Variants in UBE4A observed in about 807,000 individuals in gnomAD.
UBE4A encodes the protein ubiquitination factor E4A, also known as ubiquitin conjugation factor E4 A.
A neutral mutation model predicts 117.9 loss-of-function variants in UBE4A; 48 were observed. That is an observed-to-expected ratio of 0.41 (90% CI 0.32 to 0.52). UBE4A has a LOEUF of 0.52. UBE4A is among the 20% of genes least tolerant of loss of function. The pLI is 0.33. For missense variants in UBE4A, 1,067 were observed against 1,296.3 expected (o/e 0.82, Z 2.72); for synonymous variants, 407 against 450.0 (o/e 0.90, Z 1.21).
intron 1 of UBE4A, among the ~76,000 whole-genome samples, chr11:118,363,606 C>CT (rs199847839): frequency 0.047 from 5,703 of 122,442 alleles, 173 homozygotes; most frequent in Non-Finnish European, 0.057. Flanking sequence ...ACCACATTAG[C>CT]TTTTTTTTTT....
intron 10 of UBE4A, among the ~76,000 whole-genome samples, chr11:118,378,272 G>A (rs78134506): frequency 0.069 from 7,439 of 107,900 alleles, 239 homozygotes; most frequent in African/African-American, 0.12. Context: ...TTAAAAAAAA[G>A]AAAAAGACCA....
At chr11:118,363,545 A>C (rs1381539940) in intron 1 of UBE4A, among the ~76,000 whole-genome samples, 2 of 152,172 alleles carry the variant, frequency 1.3e-5, no homozygotes, top group Non-Finnish European at 2.9e-5. Context: ...AGAATTGTCA[A>C]GAAATGTTAT....
rs903265983 is a variant in UBE4A at position 118,368,954 on chromosome 11, T to C, written c.295+150T>C. The C allele has an allele frequency of 3.3e-5, 26 of 791,502 alleles. No homozygotes were observed. The East Asian group carries it at 4.9e-4, about 15-fold the overall frequency. 49.0% of individuals were successfully genotyped at this position (791,502 alleles called of 1,614,324 possible). ...CAGGGTTTATATTTCAGTGAACCTT[T>C]TGGTATGACCTAAAAACAGTATTTA... On this transcript the variant is annotated intron_variant, in intron 3 of 19. Coordinates refer to ENST00000252108, the MANE Select transcript of UBE4A (RefSeq NM_001204077.2).
At position 118,375,079 on chromosome 11, in the gene UBE4A, T is replaced by C. The variant is rs1948639571; in HGVS notation, c.1300T>C (p.Phe434Leu). The change falls in exon 9 of 20, where the codon TTC (phenylalanine) becomes CTC (leucine). Residue 434 changes from phenylalanine (F) to leucine (L), a missense_variant. Coordinates refer to ENST00000252108, the MANE Select transcript of UBE4A (RefSeq NM_001204077.2). ...IFFQMYASDA[F>L]FLNLGAALLK... ...TTTCCAAATGTATGCCTCAGATGCTTTCTTTCTGAATCTGGGTGCTGCTCT... is the reference window on the plus strand; with the variant it reads ...TTTCCAAATGTATGCCTCAGATGCTCTCTTTCTGAATCTGGGTGCTGCTCT... 6.2e-7 allele frequency: 1 copy of C among 1,614,208 alleles called. No individual in the cohort carries two copies. The highest frequency in any genetic ancestry group is 1.3e-5 in the African/African-American group (1 of 75,056).
rs924480975 is a variant in UBE4A, at chr11:118,397,180, A to C, written c.*740A>C. The C allele has an allele frequency of 6.6e-6, 1 of 152,196 alleles. No individual in the cohort carries two copies. The highest frequency in any genetic ancestry group is 2.4e-5 in the African/African-American group (1 of 41,436). The allele number at this position is 152,196 out of a possible 1,614,324, so 9.4% of individuals were successfully genotyped here. A position where few individuals can be genotyped will look rare whatever the true frequency, so the allele number is the denominator to read the frequency against. ...TCTCTTATGAAAATCTGTTTCTACAAGGACTAGGCCTAAGTAGATTTAGGC... is the reference window on the plus strand; with the variant it reads ...TCTCTTATGAAAATCTGTTTCTACACGGACTAGGCCTAAGTAGATTTAGGC... On this transcript the variant is annotated 3_prime_UTR_variant, in exon 20 of 20. Coordinates refer to ENST00000252108, the MANE Select transcript of UBE4A (RefSeq NM_001204077.2).
chr11:118,377,381 A>G (rs530598461), intron 10 of UBE4A, among the ~76,000 whole-genome samples: 2 of 151,632 alleles, frequency 1.3e-5, no homozygotes, highest in Middle Eastern at 3.4e-3. Context: ...CTGATTTTGT[A>G]TTTTTTTAGT....
At position 118,390,797 on chromosome 11, in the gene UBE4A, G is replaced by C; in HGVS notation, c.2909G>C (p.Arg970Thr). The C allele has an allele frequency of 6.2e-7, 1 of 1,610,060 alleles. No homozygotes were observed. The highest frequency in any genetic ancestry group is 8.5e-7 in the Non-Finnish European group (1 of 1,177,746). ...MIMAFSNLAE[R>T]IKSLADLQQQ... ...ATGGCTTTCAGCAACTTGGCAGAGA[G>C]AATCAAGGTGAGGAAGAGGAGGAAT... Residue 970 changes from arginine to threonine, a missense_variant, in exon 18 of 20, where the codon AGA (arginine) becomes ACA (threonine). Arg to Thr is a moderately conservative substitution (Grantham distance 71). Around this residue, in one of 3 missense-constraint regions of UBE4A, gnomAD observed 1,001 missense variants for 1,184.0 expected, o/e 0.85. Transcript: ENST00000252108.
At chr11:118,377,066 AGAGG>A (rs1555125504) in intron 10 of UBE4A, among the ~76,000 whole-genome samples, 37 of 152,114 alleles carry the variant, frequency 2.4e-4, no homozygotes, top group Middle Eastern at 6.8e-3. Context: ...AAAAAAAAAG[AGAGG>A]AAGAGTCTTA....
At chr11:118,395,968 G>A (rs1555129593) in intron 19 of UBE4A, among the ~76,000 whole-genome samples, 1 of 152,048 alleles carries the variant, frequency 6.6e-6, no homozygotes, top group Non-Finnish European at 1.5e-5. Context: ...CCAGCTACTT[G>A]GGAGGCTGAG....
At chr11:118,377,965 C>T (rs1948668363) in intron 10 of UBE4A, among the ~76,000 whole-genome samples, 1 of 148,150 alleles carries the variant, frequency 6.7e-6, no homozygotes, top group African/African-American at 2.5e-5. Context: ...AGATGAAGTT[C>T]AGCCGGGCGC....
intron 13 of UBE4A, among the ~76,000 whole-genome samples, chr11:118,382,999 A>G (rs111675806): frequency 7.6e-6 from 1 of 131,266 alleles, no homozygotes; most frequent in Non-Finnish European, 1.7e-5. Context: ...TTTATTTTTT[A>G]TTTTTTAATT....
chr11:118,378,259 T>A (rs1403467730), intron 10 of UBE4A, among the ~76,000 whole-genome samples: 2 of 144,508 alleles, frequency 1.4e-5, no homozygotes, highest in African/African-American at 5.1e-5. Flanking sequence ...AAAAAAAAAT[T>A]AATTAAAAAA....
intron 2 of UBE4A, among the ~76,000 whole-genome samples, chr11:118,366,498 C>T (rs1173146355): frequency 6.6e-6 from 1 of 152,196 alleles, no homozygotes; most frequent in Non-Finnish European, 1.5e-5. Context: ...GCATTGCAGG[C>T]ACATGCCCTT....
intron 10 of UBE4A, chr11:118,378,987 T>C (rs965710513): frequency 6.2e-6 from 1 of 161,630 alleles, no homozygotes; most frequent in Non-Finnish European, 1.4e-5. Context: ...ATTACTAATC[T>C]AGAGTCCCTT....
At chr11:118,379,826 C>T in intron 11 of UBE4A, 76 bp downstream of exon 11, 1 of 1,457,882 alleles carries the variant, frequency 6.9e-7, no homozygotes, top group Non-Finnish European at 9.2e-7. Context: ...AAGTTTAATC[C>T]TCAAAATACC....
intron 4 of UBE4A, among the ~76,000 whole-genome samples, chr11:118,370,780 A>G (rs1948602336): frequency 6.6e-6 from 1 of 152,214 alleles, no homozygotes; most frequent in African/African-American, 2.4e-5. Flanking sequence ...CAAAGGACAC[A>G]TACCATGAGG....
chr11:118,368,807 G>A lies in UBE4A; in HGVS notation c.295+3G>A. 1 of 1,613,998 alleles carries A rather than the reference G, an allele frequency of 6.2e-7. No individual in the cohort carries two copies. Among genetic ancestry groups the A allele is most frequent in the Non-Finnish European group, 8.5e-7 (1 of 1,179,938 alleles). ...CTTCCTTATTACTCTGGACAACAGT[G>A]AGTTACAAACTTATAGCATTATTCT... On this transcript the variant is annotated splice_donor_region_variant and intron_variant, in intron 3 of 19. Transcript: ENST00000252108.
rs1555125945 is a variant in UBE4A at position 118,379,585 on chromosome 11, A to G, written c.1711A>G (p.Thr571Ala). Residue 571 changes from threonine (T) to alanine (A), a missense_variant, in exon 11 of 20, where the codon ACC becomes GCC. Thr to Ala is a moderately conservative substitution (Grantham distance 58). Transcript: ENST00000252108. ...FERLMTIYLS[T>A]KTAMTEPQML... ...ACGACTGATGACCATCTATCTTTCT[A>G]CCAAGACTGCCATGACAGAGCCACA... 3 of 1,614,202 alleles carry G rather than the reference A, an allele frequency of 1.9e-6. No individual in the cohort carries two copies. The highest frequency in any genetic ancestry group is 1.1e-5 in the South Asian group (1 of 91,086).
chr11:118,374,849 T>G (rs782057147), intron 8 of UBE4A, 47 bp from the exon 9 acceptor site: 6 of 1,457,902 alleles, frequency 4.1e-6, no homozygotes, highest in Non-Finnish European at 4.5e-6. Flanking sequence ...GAATAAAAAC[T>G]ATTAGGATTG....
Sources: gnomAD v4.1 joint callset for allele counts (sites outside exome capture counted in the v4.1 genomes callset) on GRCh38, gnomAD v4.1.1 for gene constraint, gnomAD v4.1.1 regional missense constraint, MANE v1.5 for transcripts, NCBI Gene and HGNC (gene_info 2026-07-23, HGNC 2026-07-21) for gene names.